Variants in TOX2 observed in about 807,000 individuals in gnomAD.
TOX2 encodes the protein TOX high mobility group box family member 2, also known as granulosa cell HMG box 1.
Under a neutral mutation model 47.4 loss-of-function variants are expected in TOX2, and 15 were observed. That is an observed-to-expected ratio of 0.32 (90% confidence interval 0.21 to 0.49). The LOEUF (loss-of-function observed/expected upper bound fraction) is 0.49, where lower values mean the gene tolerates loss of function less well. TOX2 is among the 20% of genes least tolerant of loss of function. The pLI is 0.99. For missense variants in TOX2, 622 were observed against 673.1 expected (o/e 0.92, Z 0.84); for synonymous variants, 290 against 296.6 (o/e 0.98, Z 0.23).
rs1437793952 is a variant in TOX2, at chr20:43,973,443, C to T, written c.165+11C>T. Reference sequence around the variant, plus strand: ...CTGTCAACCAGCCAGGTGGGTGCCTCATCCTCCCTGAACGGGTGTCTTAAG... The same window carrying T: ...CTGTCAACCAGCCAGGTGGGTGCCTTATCCTCCCTGAACGGGTGTCTTAAG... On this transcript the variant is annotated intron_variant, in intron 2 of 8. Coordinates refer to ENST00000341197, the MANE Select transcript of TOX2 (RefSeq NM_001098797.2). 18 of 1,613,974 alleles carry T rather than the reference C, an allele frequency of 1.1e-5. No individual in the cohort carries two copies. Among genetic ancestry groups the T allele is most frequent in the Non-Finnish European group, 1.4e-5 (17 of 1,179,910 alleles).
chr20:43,960,015 C>A (rs922069276), intron 1 of TOX2, among the ~76,000 whole-genome samples: 2 of 152,140 alleles, frequency 1.3e-5, no homozygotes, highest in Non-Finnish European at 2.9e-5. Flanking sequence ...AGCTGTGTGG[C>A]CTTGGGCAAG....
intron 1 of TOX2, among the ~76,000 whole-genome samples, chr20:43,964,088 A>G (rs2069808205): frequency 1.3e-5 from 2 of 151,856 alleles, no homozygotes; most frequent in African/African-American, 4.8e-5. Flanking sequence ...AGACACAGTA[A>G]TGTAGTTTAA....
chr20:44,009,655 A>G (rs2070747101), intron 3 of TOX2, among the ~76,000 whole-genome samples: 2 of 152,222 alleles, frequency 1.3e-5, no homozygotes, highest in African/African-American at 4.8e-5. Context: ...CGTTTCAGTA[A>G]TGGAACACTA....
chr20:43,974,592 C>T (rs2070040163), intron 2 of TOX2, among the ~76,000 whole-genome samples: 1 of 152,234 alleles, frequency 6.6e-6, no homozygotes, highest in Admixed American at 6.5e-5. Context: ...ATTGTGGGGG[C>T]TATGGCAGTC....
chr20:43,979,255 T>C (rs2070131790), intron 2 of TOX2, among the ~76,000 whole-genome samples: 1 of 152,060 alleles, frequency 6.6e-6, no homozygotes. Context: ...TATCAAAACC[T>C]TGGGAGTGAA....
chr20:43,964,356 C>A (rs1413654036), intron 1 of TOX2, among the ~76,000 whole-genome samples: 1 of 152,208 alleles, frequency 6.6e-6, no homozygotes, highest in East Asian at 1.9e-4. Context: ...ATGTGTATTT[C>A]CCCATGAGAC....
chr20:44,007,927 A>G (rs1235159281), intron 3 of TOX2, among the ~76,000 whole-genome samples: 1 of 152,190 alleles, frequency 6.6e-6, no homozygotes, highest in Admixed American at 6.5e-5. Context: ...TGTTCTGGAC[A>G]TTTCATAGAA....
intron 3 of TOX2, among the ~76,000 whole-genome samples, chr20:44,017,459 C>A (rs1031481579): frequency 2.0e-5 from 3 of 152,136 alleles, no homozygotes; most frequent in African/African-American, 7.2e-5. Context: ...CGAGAGCTGA[C>A]GTGGGCAGCT....
At chr20:43,971,168 TA>T (rs771183912) in intron 1 of TOX2, among the ~76,000 whole-genome samples, 3 of 152,114 alleles carry the variant, frequency 2.0e-5, no homozygotes, top group Non-Finnish European at 1.5e-5. Context: ...AACAAACATT[TA>T]TTGAGTACCT....
At chr20:44,038,999 CAT>C in intron 3 of TOX2, 3 of 1,206,808 alleles carry the variant, frequency 2.5e-6, no homozygotes, top group African/African-American at 1.6e-5. Context: ...GGAGCGTGGC[CAT>C]ATGTTTCCAA....
At chr20:44,022,422 A>G (rs543367036) in intron 3 of TOX2, among the ~76,000 whole-genome samples, 1 of 152,286 alleles carries the variant, frequency 6.6e-6, no homozygotes, top group African/African-American at 2.4e-5. Flanking sequence ...TGGCAATGCT[A>G]TTATTTGTCT....
intron 1 of TOX2, among the ~76,000 whole-genome samples, chr20:43,946,580 G>A (rs1337470354): frequency 2.6e-5 from 4 of 152,192 alleles, no homozygotes; most frequent in African/African-American, 9.7e-5. Context: ...TGCCAAATTT[G>A]GTGAATGCCA....
chr20:43,956,584 C>CTG (rs57376722), intron 1 of TOX2, among the ~76,000 whole-genome samples: 25,952 of 144,622 alleles, frequency 0.18, 3,018 homozygotes, highest in Admixed American at 0.3. Flanking sequence ...AAAAAAAAGA[C>CTG]TGTTTTCTGT....
chr20:44,035,211 C>T (rs2071219952), intron 3 of TOX2, among the ~76,000 whole-genome samples: 1 of 152,236 alleles, frequency 6.6e-6, no homozygotes, highest in African/African-American at 2.4e-5. Flanking sequence ...ACGTCCTCCC[C>T]TGCTGAAATC....
At chr20:44,052,080 A>G (rs981988571) in intron 4 of TOX2, among the ~76,000 whole-genome samples, 3 of 152,156 alleles carry the variant, frequency 2.0e-5, no homozygotes, top group African/African-American at 7.2e-5. Flanking sequence ...CTTTTAGGAG[A>G]AAATATTCTG....
Position 44,065,824 on chromosome 20 carries a change from C to A in TOX2, c.1073C>A (p.Pro358Gln), listed in dbSNP as rs374248829. The change falls in exon 7 of 9, where the codon CCG (proline) becomes CAG (glutamine). Residue 358 changes from proline (P) to glutamine (Q), a missense_variant. Coordinates refer to ENST00000341197, the MANE Select transcript of TOX2 (RefSeq NM_001098797.2). ...AMPGLASFLTPSDLQAFRSGA... is the reference protein window; with the variant it reads ...AMPGLASFLTQSDLQAFRSGA... ...CCAGGCCTGGCCTCCTTCCTGACGC[C>A]GTCGGACCTGCAGGCCTTCCGCAGT... 1 of 1,613,832 alleles carries A rather than the reference C, an allele frequency of 6.2e-7. No individual in the cohort carries two copies. The highest frequency in any genetic ancestry group is 8.5e-7 in the Non-Finnish European group (1 of 1,179,834).
rs115363799 is a variant in TOX2, at chr20:44,015,354, G to A, written c.411+8562G>A. 3.5e-3 allele frequency among the ~76,000 whole-genome samples: 537 copies of A among 152,238 alleles called. 2 individuals carry two copies. Among genetic ancestry groups the A allele is most frequent in the African/African-American group, 0.012 (513 of 41,518 alleles). On this transcript the variant is annotated intron_variant, in intron 3 of 8. Coordinates refer to ENST00000341197, the MANE Select transcript of TOX2 (RefSeq NM_001098797.2). ...ATTTATTTTCAAACACTCCTGCAGG[G>A]GACCGCTCCGTTTTCTTACCCTGAA... is the stretch of plus-strand genomic sequence containing the variant.
Position 44,045,301 on chromosome 20 carries a change from TA to T in TOX2, c.412-5998del, listed in dbSNP as rs138924020. Among the ~76,000 whole-genome samples the T allele has an allele frequency of 2.0e-3, 308 of 152,282 alleles. 5 individuals carry two copies. The East Asian group carries it at 0.033, about 16-fold the overall frequency. On this transcript the variant is annotated intron_variant, in intron 3 of 8. Transcript: ENST00000341197. ...TATCACAATTTAAATTTTTAATGATTAAAAAAATCAGTTGCATTAATGTCAC... is the reference window on the plus strand; with the variant it reads ...TATCACAATTTAAATTTTTAATGATTAAAAAATCAGTTGCATTAATGTCAC...
At chr20:43,952,254 G>T (rs1393219474) in intron 1 of TOX2, among the ~76,000 whole-genome samples, 1 of 152,026 alleles carries the variant, frequency 6.6e-6, no homozygotes, top group Non-Finnish European at 1.5e-5. Flanking sequence ...GCTCAGGCTG[G>T]TGTCAAACTC....
Sources: allele counts gnomAD v4.1 joint callset (sites outside exome capture counted in the v4.1 genomes callset), GRCh38; gene constraint gnomAD v4.1.1; transcripts MANE v1.5; gene names NCBI Gene and HGNC (gene_info 2026-07-23, HGNC 2026-07-21).